The following KCNK2 variants were observed in gnomAD, a reference collection of about 807,000 sequenced individuals.
KCNK2 encodes the protein potassium two pore domain channel subfamily K member 2.
KCNK2 carries 21 observed loss-of-function variants against 40.5 expected under a neutral mutation model. The ratio of observed to expected loss-of-function variants is 0.52; its 90% CI spans 0.37 to 0.75. KCNK2 has a LOEUF of 0.75. KCNK2 is among the 30% of genes least tolerant of loss of function. The pLI is 0.00. For missense variants in KCNK2, 399 were observed against 531.6 expected, an observed-to-expected ratio of 0.75 and a Z score of 2.45; for synonymous variants, 191 against 202.2, an observed-to-expected ratio of 0.94 and a Z score of 0.47.
intron 5 of KCNK2, among the ~76,000 whole-genome samples, chr1:215,181,655 A>G (rs1664220546): frequency 6.6e-6 from 1 of 152,118 alleles, no homozygotes; most frequent in South Asian, 2.1e-4. Flanking sequence ...CTATAGCCCT[A>G]TGTACTTCTC....
chr1:215,234,646 T>C (rs945171078), intron 6 of KCNK2, among the ~76,000 whole-genome samples, 182 bp from the exon 7 acceptor site: 2 of 152,206 alleles, frequency 1.3e-5, no homozygotes, highest in Non-Finnish European at 2.9e-5. Flanking sequence ...TATATCTATA[T>C]AAGATAGAAT....
chr1:215,067,876 T>A (rs1280558525), intron 1 of KCNK2, among the ~76,000 whole-genome samples: 1 of 151,880 alleles, frequency 6.6e-6, no homozygotes, highest in East Asian at 1.9e-4. Context: ...CAAAAAAAAA[T>A]TACTTTCATA....
At chr1:215,105,365 G>A (rs892210502) in intron 2 of KCNK2, among the ~76,000 whole-genome samples, 2 of 152,046 alleles carry the variant, frequency 1.3e-5, no homozygotes, top group Non-Finnish European at 2.9e-5. Context: ...ACTTAGCGTA[G>A]TATTATCAAG....
intron 6 of KCNK2, among the ~76,000 whole-genome samples, chr1:215,209,508 T>C (rs1184706725): frequency 1.1e-4 from 6 of 53,250 alleles, no homozygotes; most frequent in East Asian, 5.7e-4. Context: ...ATATATAATA[T>C]ATATAAAATA....
rs140667194 is a variant in KCNK2 at position 215,127,968 on chromosome 1, G to C, written c.475+3218G>C. Among the ~76,000 whole-genome samples the C allele has an allele frequency of 3.1e-3, 472 of 152,230 alleles. 5 individuals carry two copies. Among genetic ancestry groups the C allele is most frequent in the African/African-American group, 0.011 (454 of 41,548 alleles). On this transcript the variant is annotated intron_variant, in intron 3 of 6. Coordinates refer to ENST00000444842, the MANE Select transcript of KCNK2 (RefSeq NM_001017425.3). ...AATAAAACACTATCACTCTGTTGCT[G>C]TAAAGATAAAAAATAAATTCCTTGA...
chr1:215,050,668 C>T (rs1033262092), intron 1 of KCNK2, among the ~76,000 whole-genome samples: 2 of 152,074 alleles, frequency 1.3e-5, no homozygotes, highest in African/African-American at 4.8e-5. Context: ...CAAACTGGGA[C>T]ATTTTTGAGG....
At chr1:215,058,398 C>T (rs1221914478) in intron 1 of KCNK2, among the ~76,000 whole-genome samples, 3 of 152,080 alleles carry the variant, frequency 2.0e-5, no homozygotes, top group Non-Finnish European at 2.9e-5. Flanking sequence ...TATGCTTTTT[C>T]TCCTCTATAT....
intron 3 of KCNK2, among the ~76,000 whole-genome samples, chr1:215,141,413 C>A (rs1265565514): frequency 1.3e-5 from 2 of 152,024 alleles, no homozygotes; most frequent in Non-Finnish European, 2.9e-5. Flanking sequence ...TATGATGTCA[C>A]TAGACGATAG....
intron 6 of KCNK2, among the ~76,000 whole-genome samples, chr1:215,233,500 A>G (rs879796418): frequency 6.6e-6 from 1 of 152,032 alleles, no homozygotes; most frequent in African/African-American, 2.4e-5. Flanking sequence ...ATTTATATCT[A>G]TAGCCTTACT....
chr1:215,081,284 A>G (rs1190094685), upstream of KCNK2, among the ~76,000 whole-genome samples: 1 of 151,964 alleles, frequency 6.6e-6, no homozygotes, highest in African/African-American at 2.4e-5. Context: ...GCACTGAGGG[A>G]AGGTAACTGC....
intron 2 of KCNK2, among the ~76,000 whole-genome samples, chr1:215,123,415 T>C (rs1032357140): frequency 4.0e-5 from 6 of 151,792 alleles, no homozygotes; most frequent in Non-Finnish European, 7.4e-5. Context: ...TTTTTTTTTT[T>C]ACAAAGATCA....
chr1:215,061,132 T>C (rs1658349247), intron 1 of KCNK2, among the ~76,000 whole-genome samples: 2 of 152,174 alleles, frequency 1.3e-5, no homozygotes, highest in African/African-American at 4.8e-5. Context: ...TACTTTTGTG[T>C]ATACATAAAA....
chr1:215,217,235 ACAC>A (rs1397162539), intron 6 of KCNK2, among the ~76,000 whole-genome samples: 2 of 152,138 alleles, frequency 1.3e-5, no homozygotes, highest in African/African-American at 2.4e-5. Flanking sequence ...TCCACCACCC[ACAC>A]CCATGCAATT....
intron 1 of KCNK2, among the ~76,000 whole-genome samples, chr1:215,053,276 G>A (rs1314042310): frequency 6.6e-6 from 1 of 151,984 alleles, no homozygotes; most frequent in Admixed American, 6.6e-5. Context: ...AAATTCTGCT[G>A]GGATAAGAGT....
intron 1 of KCNK2, among the ~76,000 whole-genome samples, chr1:215,025,468 TTAAG>T (rs1255513917): frequency 6.6e-6 from 1 of 152,072 alleles, no homozygotes; most frequent in Non-Finnish European, 1.5e-5. Context: ...ACCACTTACT[TTAAG>T]TAATATAAAT....
At chr1:215,232,081 G>A (rs921166540) in intron 6 of KCNK2, among the ~76,000 whole-genome samples, 4 of 152,138 alleles carry the variant, frequency 2.6e-5, no homozygotes, top group Non-Finnish European at 4.4e-5. Context: ...CATGCCTTTC[G>A]ACCCAGTGTT....
intron 5 of KCNK2, among the ~76,000 whole-genome samples, chr1:215,185,674 T>G (rs537269891): frequency 2.3e-4 from 35 of 152,306 alleles, no homozygotes; most frequent in African/African-American, 7.9e-4. Flanking sequence ...TGTTCTCGCT[T>G]AATTTTGCTA....
At chr1:215,179,032 G>C (rs1157131309) in intron 5 of KCNK2, among the ~76,000 whole-genome samples, 1 of 151,590 alleles carries the variant, frequency 6.6e-6, no homozygotes, top group African/African-American at 2.4e-5. Flanking sequence ...CATTTTGGAA[G>C]TCAATATTAG....
At chr1:215,230,208 A>G (rs1465818462) in intron 6 of KCNK2, among the ~76,000 whole-genome samples, 1 of 150,018 alleles carries the variant, frequency 6.7e-6, no homozygotes, top group Non-Finnish European at 1.5e-5. Flanking sequence ...TGCCAACATC[A>G]TAGAGTGCGC....
Sources: gnomAD v4.1 joint callset for allele counts (sites outside exome capture counted in the v4.1 genomes callset) on GRCh38, gnomAD v4.1.1 for gene constraint, MANE v1.5 for transcripts, NCBI Gene and HGNC (gene_info 2026-07-23, HGNC 2026-07-21) for gene names.